The following FOXN3 variants were observed in gnomAD, a reference collection of about 807,000 sequenced individuals.
The protein encoded by FOXN3 is forkhead box N3, also known as forkhead box protein N3.
Under a neutral mutation model 38.4 loss-of-function variants are expected in FOXN3, and 7 were observed. That is an observed-to-expected ratio of 0.18 (90% CI 0.10 to 0.34). The LOEUF is 0.34. Ranked by LOEUF, FOXN3 falls within the 10% of genes least tolerant of loss-of-function variation. FOXN3 has a pLI of 1.00. For synonymous variants in FOXN3, 230 were observed against 242.2 expected (o/e 0.95, Z 0.47); for missense variants, 456 against 613.4 (o/e 0.74, Z 2.71).
At chr14:89,553,238 C>CAAAA (rs146581490) in intron 1 of FOXN3, among the ~76,000 whole-genome samples, 4 of 79,028 alleles carry the variant, frequency 5.1e-5, no homozygotes, top group Non-Finnish European at 4.8e-5. Flanking sequence ...GACCCTGTCC[C>CAAAA]AAAAAAAAAA....
At chr14:89,474,768 G>A (rs563765020) in intron 1 of FOXN3, among the ~76,000 whole-genome samples, 2 of 151,948 alleles carry the variant, frequency 1.3e-5, no homozygotes, top group Non-Finnish European at 2.9e-5. Flanking sequence ...AGTGGAACCA[G>A]TTCTAATGGT....
chr14:89,436,835 C>T (rs185838796), intron 1 of FOXN3, among the ~76,000 whole-genome samples: 5 of 152,288 alleles, frequency 3.3e-5, no homozygotes, highest in Non-Finnish European at 7.4e-5. Context: ...CCAAATTATA[C>T]ATTATCACTG....
chr14:89,518,649 G>A (rs919583939), intron 1 of FOXN3, among the ~76,000 whole-genome samples: 2 of 152,206 alleles, frequency 1.3e-5, no homozygotes, highest in Admixed American at 1.3e-4. Context: ...TAAACATAGG[G>A]AGAGATGAAT....
intron 3 of FOXN3, among the ~76,000 whole-genome samples, chr14:89,324,672 T>G (rs916567562): frequency 6.6e-6 from 1 of 151,986 alleles, no homozygotes; most frequent in Non-Finnish European, 1.5e-5. Context: ...TTTGATCTCT[T>G]AACCACAGGG....
chr14:89,376,744 T>C (rs1355216314), intron 2 of FOXN3, among the ~76,000 whole-genome samples: 3 of 152,096 alleles, frequency 2.0e-5, no homozygotes, highest in Non-Finnish European at 4.4e-5. Context: ...CCGGGTGCAG[T>C]GGCTCACACC....
At chr14:89,190,723 T>A (rs1010149195) in intron 4 of FOXN3, among the ~76,000 whole-genome samples, 7 of 152,194 alleles carry the variant, frequency 4.6e-5, no homozygotes, top group African/African-American at 1.4e-4. Flanking sequence ...GCACTGTATG[T>A]TCCTGATAAA....
chr14:89,312,711 GAA>G, intron 3 of FOXN3, among the ~76,000 whole-genome samples: 1 of 152,298 alleles, frequency 6.6e-6, no homozygotes, highest in South Asian at 2.1e-4. Context: ...TAGACCCTGG[GAA>G]AGTTACTTGT....
intron 1 of FOXN3, among the ~76,000 whole-genome samples, chr14:89,511,664 A>G (rs1157352430): frequency 6.6e-6 from 1 of 152,148 alleles, no homozygotes; most frequent in Non-Finnish European, 1.5e-5. Flanking sequence ...TGGTCTTTGC[A>G]GTCCTGATAT....
At chr14:89,423,596 TAAGAA>T (rs927539280) in intron 1 of FOXN3, among the ~76,000 whole-genome samples, 69 of 152,086 alleles carry the variant, frequency 4.5e-4, no homozygotes, top group African/African-American at 1.6e-3. Flanking sequence ...ATCACTCTAA[TAAGAA>T]AAGGGGCAAA....
chr14:89,422,883 A>G (rs1891944370), intron 1 of FOXN3, among the ~76,000 whole-genome samples: 1 of 152,222 alleles, frequency 6.6e-6, no homozygotes, highest in African/African-American at 2.4e-5. Flanking sequence ...GGTGAAGTTC[A>G]TCAGCTCAGG....
At chr14:89,443,636 G>C (rs1030834801) in intron 1 of FOXN3, among the ~76,000 whole-genome samples, 4 of 152,180 alleles carry the variant, frequency 2.6e-5, no homozygotes, top group African/African-American at 9.6e-5. Context: ...AAACCTAAGA[G>C]CAGATTCAGA....
rs1415759694 is a variant in FOXN3, at chr14:89,356,613, T to C, written c.544-5805A>G. ...GTGTGTGTTGGTGATCTTGAAACAA[T>C]AGCTTTTGATGTTTCTGACACACCA... On this transcript the variant is annotated intron_variant, in intron 2 of 5. Transcript: ENST00000557258. 7 of 152,216 alleles carry C rather than the reference T, an allele frequency of 4.6e-5. No homozygotes were observed. The East Asian group carries it at 9.6e-4, about 21-fold the overall frequency. 9.4% of individuals were successfully genotyped at this position (152,216 alleles called of 1,614,324 possible).
intron 1 of FOXN3, among the ~76,000 whole-genome samples, chr14:89,474,423 A>G (rs1893167989): frequency 1.3e-5 from 2 of 152,226 alleles, no homozygotes; most frequent in African/African-American, 4.8e-5. Context: ...GCCAGTCTGT[A>G]AGTACCTTGA....
chr14:89,439,657 CT>C (rs35535565), intron 1 of FOXN3, among the ~76,000 whole-genome samples: 16,722 of 136,100 alleles, frequency 0.12, 955 homozygotes, highest in African/African-American at 0.16. Context: ...TCTTTTATTC[CT>C]TTTTTTTTTT....
intron 4 of FOXN3, among the ~76,000 whole-genome samples, chr14:89,277,959 T>C (rs144097777): frequency 1.0e-3 from 155 of 152,262 alleles, no homozygotes; most frequent in African/African-American, 3.7e-3. Flanking sequence ...CCTAAATCTA[T>C]CTGCTTTTTT....
rs75107336 is a variant in FOXN3, at chr14:89,232,302, G to A, written c.745+48648C>T. ...ATTTAATATTCTACAAACACAAACC[G>A]TTCGCCTATACATAGTTCATTCTGC... is the stretch of plus-strand genomic sequence containing the variant. On this transcript the variant is annotated intron_variant, in intron 4 of 5. Coordinates refer to ENST00000557258, the MANE Select transcript of FOXN3 (RefSeq NM_005197.4). Among the ~76,000 whole-genome samples the A allele has an allele frequency of 6.2e-3, 947 of 152,250 alleles. 8 individuals are homozygous for A. The highest frequency in any genetic ancestry group is 0.027 in the Middle Eastern group (8 of 294).
intron 1 of FOXN3, among the ~76,000 whole-genome samples, chr14:89,453,086 A>C (rs1458626171): frequency 6.6e-6 from 1 of 152,010 alleles, no homozygotes; most frequent in Non-Finnish European, 1.5e-5. Context: ...GTAATCCCAG[A>C]TACTCATGAG....
At chr14:89,223,277 G>C (rs1371035169) in intron 4 of FOXN3, 1 of 152,466 alleles carries the variant, frequency 6.6e-6, no homozygotes, top group African/African-American at 2.4e-5. Flanking sequence ...CCTCCAGTGG[G>C]AAGAGCACTA....
intron 3 of FOXN3, among the ~76,000 whole-genome samples, chr14:89,302,873 T>G (rs72701641): frequency 5.9e-5 from 9 of 152,286 alleles, no homozygotes; most frequent in South Asian, 2.1e-4. Flanking sequence ...GCCACCAAGT[T>G]TTAGTACTGT....
Sources: gnomAD v4.1 joint callset for allele counts (sites outside exome capture counted in the v4.1 genomes callset) on GRCh38, gnomAD v4.1.1 for gene constraint, MANE v1.5 for transcripts, NCBI Gene and HGNC (gene_info 2026-07-23, HGNC 2026-07-21) for gene names.